Variants in ZNF365 observed in about 807,000 individuals in gnomAD.
ZNF365 encodes the protein protein ZNF365.
Under a neutral mutation model 35.0 loss-of-function variants are expected in ZNF365, and 22 were observed. The observed-to-expected ratio is 0.63, with a 90% CI of 0.45 to 0.90. ZNF365 has a LOEUF of 0.90. Among genes scored for constraint, ZNF365 ranks in the 40% least tolerant of loss-of-function variants. ZNF365 has a pLI of 0.00. For synonymous variants in ZNF365, 188 were observed against 196.2 expected, an observed-to-expected ratio of 0.96 and a Z score of 0.35; for missense variants, 448 against 500.3, an observed-to-expected ratio of 0.90 and a Z score of 1.00.
At chr10:62,379,898 T>G (rs936522874) in intron 2 of ZNF365, among the ~76,000 whole-genome samples, 2 of 152,234 alleles carry the variant, frequency 1.3e-5, no homozygotes, top group African/African-American at 4.8e-5. Context: ...TAGGCCCATT[T>G]GTGAGAGAAA....
chr10:62,376,755 G>T lies in ZNF365; in HGVS notation c.562G>T (p.Ala188Ser). ...KRIDKLTKEL[A>S]QKTAELLEVR... ...AATTGATAAACTCACCAAAGAGTTG[G>T]CCCAGAAAACTGCGGAACTGTTGGA... Residue 188 changes from alanine to serine, a missense_variant, in exon 2 of 5, where the codon GCC becomes TCC. Physicochemically the swap from Ala to Ser is moderately conservative, Grantham distance 99 (BLOSUM62 1). Around this residue, in one of 3 missense-constraint regions of ZNF365, gnomAD observed 362 missense variants for 375.7 expected, o/e 0.96. Coordinates refer to ENST00000395254, the MANE Select transcript of ZNF365 (RefSeq NM_014951.3). 1 of 1,614,180 alleles carries T rather than the reference G, an allele frequency of 6.2e-7. No homozygotes were observed. The highest frequency in any genetic ancestry group is 8.5e-7 in the Non-Finnish European group (1 of 1,180,040).
At chr10:62,379,358 T>C (rs1000983999) in intron 2 of ZNF365, among the ~76,000 whole-genome samples, 1 of 152,020 alleles carries the variant, frequency 6.6e-6, no homozygotes, top group African/African-American at 2.4e-5. Flanking sequence ...TCTGGACTAA[T>C]AGAAAAAAGC....
intron 4 of ZNF365, among the ~76,000 whole-genome samples, chr10:62,469,580 T>C (rs1432854325): frequency 1.3e-5 from 2 of 152,184 alleles, no homozygotes; most frequent in African/African-American, 4.8e-5. Flanking sequence ...TTTAATTCCC[T>C]TTTTCTGTGA....
At chr10:62,396,326 C>T (rs1839726972) in intron 3 of ZNF365, among the ~76,000 whole-genome samples, 1 of 152,148 alleles carries the variant, frequency 6.6e-6, no homozygotes, top group African/African-American at 2.4e-5. Flanking sequence ...GGATTTGAAG[C>T]CCAGCCCGAA....
chr10:62,446,090 A>G (rs1840583500), intron 3 of ZNF365, among the ~76,000 whole-genome samples: 1 of 152,212 alleles, frequency 6.6e-6, no homozygotes, highest in Admixed American at 6.5e-5. Context: ...GGAAAACCCA[A>G]GTCACTGCAC....
In ZNF365 at chr10:62,376,441, GA is replaced by G; in HGVS notation, c.252del (p.Lys84AsnfsTer9). ...LVTSSELLKPGKLQSSGNVVK... is the reference protein window; with the variant it reads ...LVTSSELLKPXKLQSSGNVVK... ...ACTTCCTCAGAACTCCTGAAACCGGGAAAATTGCAGAGCAGTGGCAACGTGG... is the reference window on the plus strand; with the variant it reads ...ACTTCCTCAGAACTCCTGAAACCGGGAAATTGCAGAGCAGTGGCAACGTGG... On this transcript the variant is annotated frameshift_variant, in exon 2 of 5. Coordinates refer to ENST00000395254, the MANE Select transcript of ZNF365 (RefSeq NM_014951.3). LOFTEE classifies it high-confidence loss of function. 6.2e-7 allele frequency: 1 copy of G among 1,614,178 alleles called. No homozygotes were observed. Among genetic ancestry groups the G allele is most frequent in the Non-Finnish European group, 8.5e-7 (1 of 1,180,038 alleles).
chr10:62,415,222 A>G (rs796946286), intron 3 of ZNF365, among the ~76,000 whole-genome samples: 18 of 152,080 alleles, frequency 1.2e-4, no homozygotes, highest in African/African-American at 4.3e-4. Context: ...GCATGTGGAA[A>G]ATTTTTTTTT....
intron 3 of ZNF365, among the ~76,000 whole-genome samples, chr10:62,393,310 C>T (rs909073939): frequency 1.3e-5 from 2 of 152,144 alleles, no homozygotes; most frequent in Admixed American, 6.5e-5. Flanking sequence ...AACCGGTAGC[C>T]TAGTCGTTTA....
At chr10:62,385,264 C>G (rs1222660264) in intron 2 of ZNF365, among the ~76,000 whole-genome samples, 1 of 152,148 alleles carries the variant, frequency 6.6e-6, no homozygotes, top group African/African-American at 2.4e-5. Context: ...GTATTAACTT[C>G]TCAGCTTCAG....
chr10:62,476,368 C>T (rs1292805935), intron 4 of ZNF365, among the ~76,000 whole-genome samples: 1 of 152,014 alleles, frequency 6.6e-6, no homozygotes. Flanking sequence ...ATCTTTCCTC[C>T]CAGGTATTAA....
chr10:62,393,014 C>T (rs1839660726), intron 3 of ZNF365, among the ~76,000 whole-genome samples: 1 of 150,366 alleles, frequency 6.7e-6, no homozygotes, highest in African/African-American at 2.5e-5. Flanking sequence ...TCTATTTTTA[C>T]ATTTTTTAAT....
At chr10:62,414,336 A>G (rs1840039283) in intron 3 of ZNF365, among the ~76,000 whole-genome samples, 1 of 151,564 alleles carries the variant, frequency 6.6e-6, no homozygotes, top group Non-Finnish European at 1.5e-5. Context: ...TGTAGCTAGG[A>G]CCACAGTCAT....
intron 3 of ZNF365, among the ~76,000 whole-genome samples, chr10:62,452,070 G>A (rs1028640077): frequency 7.2e-5 from 11 of 152,140 alleles, no homozygotes; most frequent in African/African-American, 1.4e-4. Flanking sequence ...TGTGATTCCC[G>A]AAGGTCTATC....
intron 4 of ZNF365, among the ~76,000 whole-genome samples, chr10:62,477,029 G>A (rs749924239): frequency 3.3e-5 from 5 of 152,280 alleles, no homozygotes; most frequent in East Asian, 3.9e-4. Context: ...TCAGCATCTC[G>A]TTATTGAGTT....
chr10:62,444,442 A>G (rs77469320), intron 3 of ZNF365, among the ~76,000 whole-genome samples: 2,545 of 152,090 alleles, frequency 0.017, 74 homozygotes, highest in African/African-American at 0.057. Context: ...CTCCTTATCT[A>G]TGGTTCTAGT....
At chr10:62,464,423 G>C (rs528125885) in intron 4 of ZNF365, among the ~76,000 whole-genome samples, 1 of 152,300 alleles carries the variant, frequency 6.6e-6, no homozygotes, top group East Asian at 1.9e-4. Context: ...AAGATCCAGA[G>C]GGGCAAGGAG....
intron 3 of ZNF365, among the ~76,000 whole-genome samples, chr10:62,422,303 G>A (rs142038520): frequency 6.6e-6 from 1 of 152,266 alleles, no homozygotes; most frequent in East Asian, 1.9e-4. Context: ...GAGAATATAA[G>A]TCGCTATGCC....
intron 3 of ZNF365, among the ~76,000 whole-genome samples, chr10:62,409,508 C>A (rs985457521): frequency 7.2e-5 from 11 of 152,104 alleles, no homozygotes; most frequent in African/African-American, 2.7e-4. Context: ...AAGTGAGGAA[C>A]CATTTCCCTT....
chr10:62,423,996 T>C (rs1037104402), intron 3 of ZNF365, among the ~76,000 whole-genome samples: 2 of 152,184 alleles, frequency 1.3e-5, no homozygotes, highest in Non-Finnish European at 2.9e-5. Flanking sequence ...AGGAAAGAAT[T>C]GTAAACAAGA....
Sources: gnomAD v4.1 joint callset for allele counts (sites outside exome capture counted in the v4.1 genomes callset) on GRCh38, gnomAD v4.1.1 for gene constraint, gnomAD v4.1.1 regional missense constraint, MANE v1.5 for transcripts, NCBI Gene and HGNC (gene_info 2026-07-23, HGNC 2026-07-21) for gene names.